CCT5: variants seen among roughly 807,000 people sequenced by gnomAD.
CCT5 encodes chaperonin containing TCP1 subunit 5, also known as T-complex protein 1 subunit epsilon.
CCT5 carries 6 observed loss-of-function variants against 55.0 expected under a neutral mutation model. That is an observed-to-expected ratio of 0.11 (90% CI 0.06 to 0.22). The LOEUF is 0.22. CCT5 is among the 10% of genes least tolerant of loss of function. The probability of loss-of-function intolerance (pLI) is 1.00; values close to 1 mark genes in which losing one functional copy is unlikely to be tolerated. For missense variants in CCT5, 560 were observed against 694.6 expected (o/e 0.81, Z 2.18); for synonymous variants, 231 against 243.7 (o/e 0.95, Z 0.49).
At chr5:10,261,013 G>A (rs1745933145) in intron 7 of CCT5, 102 bp downstream of exon 7, 1 of 1,228,130 alleles carries the variant, frequency 8.1e-7, no homozygotes, top group East Asian at 2.3e-5. Flanking sequence ...TCACACCAAG[G>A]CTGGCAGATG....
At chr5:10,254,316 TA>T (rs1419752844) in intron 2 of CCT5, 111 bp downstream of exon 2, 1 of 794,234 alleles carries the variant, frequency 1.3e-6, no homozygotes, top group Non-Finnish European at 2.2e-6. Flanking sequence ...CTTACTTCCT[TA>T]ACACAGCCAA....
intron 2 of CCT5, 60 bp downstream of exon 2, chr5:10,254,265 T>G: frequency 8.5e-7 from 1 of 1,175,592 alleles, no homozygotes. Flanking sequence ...ACTGTCAATA[T>G]AAACCTCTCT....
rs1358666999 is a variant in CCT5, at chr5:10,265,494, G to A, written c.*711G>A. ...AAGTGGAGGTTAAAGTAAATTACAGGAAATAAGGGAGAAATCTTGCAGTTA... is the reference window on the plus strand; with the variant it reads ...AAGTGGAGGTTAAAGTAAATTACAGAAAATAAGGGAGAAATCTTGCAGTTA... On this transcript the variant is annotated 3_prime_UTR_variant, in exon 11 of 11. Transcript: ENST00000280326. 2 of 152,388 alleles carry A rather than the reference G, an allele frequency of 1.3e-5. No homozygotes were observed. Among genetic ancestry groups the A allele is most frequent in the East Asian group, 3.9e-4 (2 of 5,190 alleles). The allele number at this position is 152,388 out of a possible 1,614,324, so 9.4% of individuals were successfully genotyped here.
chr5:10,263,082 T>G lies in CCT5; in HGVS notation c.1318-52T>G, dbSNP rs147525078. 2.0e-3 allele frequency: 2,896 copies of G among 1,484,482 alleles called. 33 individuals are homozygous for G. The African/African-American group carries it at 0.032, about 16-fold the overall frequency. The allele number at this position is 1,484,482 out of a possible 1,614,324, so 92.0% of individuals were successfully genotyped here. A position where few individuals can be genotyped will look rare whatever the true frequency, so the allele number is the denominator to read the frequency against. On this transcript the variant is annotated intron_variant, in intron 9 of 10. Coordinates refer to ENST00000280326, the MANE Select transcript of CCT5 (RefSeq NM_012073.5). ...TACAGTTGTGTTTTCACGGTGCCGC[T>G]GGGTTGTTTTGTTTCGCCAAGTGCA...
intron 10 of CCT5, among the ~76,000 whole-genome samples, chr5:10,263,822 C>G (rs1459727888): frequency 1.3e-5 from 2 of 152,194 alleles, no homozygotes; most frequent in Non-Finnish European, 2.9e-5. Context: ...CTAAATCAGG[C>G]CATGTCTGTA....
intron 7 of CCT5, 91 bp from the exon 8 acceptor site, chr5:10,261,469 C>A: frequency 7.9e-7 from 1 of 1,262,306 alleles, no homozygotes; most frequent in Non-Finnish European, 1.2e-6. Flanking sequence ...ACAAGTTGGT[C>A]TTAGATCAAG....
chr5:10,260,263 C>T (rs984068446), intron 6 of CCT5, among the ~76,000 whole-genome samples: 1 of 152,164 alleles, frequency 6.6e-6, no homozygotes, highest in Non-Finnish European at 1.5e-5. Context: ...GTGACTTTGC[C>T]ATTTGCAGGT....
At chr5:10,250,208 G>C (rs1745295396), upstream of CCT5, 1 of 1,552,478 alleles carries the variant, frequency 6.4e-7, no homozygotes, top group Admixed American at 2.0e-5. Context: ...ATTAGTCTCA[G>C]TAGAAACATA....
chr5:10,251,212 T>TG (rs1460803456), intron 1 of CCT5, among the ~76,000 whole-genome samples: 1 of 152,180 alleles, frequency 6.6e-6, no homozygotes, highest in East Asian at 1.9e-4. Flanking sequence ...TTCCCGAAGG[T>TG]GGAAGCTATT....
Position 10,264,761 on chromosome 5 carries a change from A to AG in CCT5, c.1605dup (p.Pro536AlafsTer5). The AG allele has an allele frequency of 6.2e-7, 1 of 1,611,226 alleles. No homozygotes were observed. Among genetic ancestry groups the AG allele is most frequent in the Non-Finnish European group, 8.5e-7 (1 of 1,177,314 alleles). On this transcript the variant is annotated frameshift_variant, in exon 11 of 11. Coordinates refer to ENST00000280326, the MANE Select transcript of CCT5 (RefSeq NM_012073.5). LOFTEE classifies it high-confidence loss of function. Reference sequence around the variant, plus strand: ...ATTTTGAAGATTGATGACATTCGTAAGCCTGGAGAATCTGAAGAATGAAGA... The same window carrying AG: ...ATTTTGAAGATTGATGACATTCGTAAGGCCTGGAGAATCTGAAGAATGAAGA...
chr5:10,256,779 C>A (rs1745703695), intron 4 of CCT5, among the ~76,000 whole-genome samples: 1 of 151,904 alleles, frequency 6.6e-6, no homozygotes, highest in Non-Finnish European at 1.5e-5. Flanking sequence ...GCTGGGGAGC[C>A]ATTGGGGGTG....
chr5:10,261,463 G>A, intron 7 of CCT5, 97 bp from the exon 8 acceptor site: 1 of 1,141,870 alleles, frequency 8.8e-7, no homozygotes, highest in Non-Finnish European at 1.3e-6. Flanking sequence ...TAGTGAACAA[G>A]TTGGTCTTAG....
chr5:10,256,098 A>T lies in CCT5; in HGVS notation c.475A>T (p.Ile159Leu). The change falls in exon 4 of 11, where the codon ATA (isoleucine) becomes TTA (leucine). Residue 159 changes from isoleucine (I) to leucine (L), a missense_variant. Ile to Leu is a conservative substitution (Grantham distance 5). Coordinates refer to ENST00000280326, the MANE Select transcript of CCT5 (RefSeq NM_012073.5). ...DKISDSVLVDIKDTEPLIQTA... is the reference protein window; with the variant it reads ...DKISDSVLVDLKDTEPLIQTA... ...GATCAGCGATAGCGTCCTTGTTGAC[A>T]TAAAGGACACCGAACCCCTGATTCA... The T allele has an allele frequency of 1.2e-6, 2 of 1,614,018 alleles. No homozygotes were observed. Among genetic ancestry groups the T allele is most frequent in the Non-Finnish European group, 1.7e-6 (2 of 1,179,898 alleles).
intron 1 of CCT5, among the ~76,000 whole-genome samples, chr5:10,252,281 AAT>A (rs1745462024): frequency 1.3e-5 from 2 of 152,260 alleles, no homozygotes; most frequent in South Asian, 4.1e-4. Context: ...GAAGAACCAA[AAT>A]ATATGGAAAT....
intron 8 of CCT5, 87 bp downstream of exon 8, chr5:10,261,832 A>G (rs1303619095): frequency 1.0e-6 from 1 of 988,358 alleles, no homozygotes. Flanking sequence ...ACAGAGACAC[A>G]GTCACCATAA....
In CCT5 at chr5:10,261,925, G is replaced by C. The variant is rs552462975; in HGVS notation, c.1179+180G>C. 2.5e-4 allele frequency: 172 copies of C among 681,114 alleles called. 2 individuals are homozygous for C. Among genetic ancestry groups the C allele is most frequent in the South Asian group, 2.1e-3 (142 of 66,066 alleles). The allele number at this position is 681,114 out of a possible 1,614,324, so 42.2% of individuals were successfully genotyped here. On this transcript the variant is annotated intron_variant, in intron 8 of 10. Transcript: ENST00000280326. ...CATGTTAAATTGTTAATTTCACAAG[G>C]CACATTTGCCTTTCTGCTGTCCCTT...
intron 6 of CCT5, 89 bp downstream of exon 6, chr5:10,258,624 TC>T (rs1429390586): frequency 1.6e-6 from 2 of 1,239,186 alleles, no homozygotes; most frequent in Non-Finnish European, 2.4e-6. Context: ...TAGTCTTTCT[TC>T]AGTTCTAAAA....
At chr5:10,250,075 C>T (rs1309630488), upstream of CCT5, 13 of 1,538,200 alleles carry the variant, frequency 8.5e-6, no homozygotes, top group Admixed American at 4.0e-5. Flanking sequence ...CAAATTCAAT[C>T]TGCTCTTGAC....
rs1049399069 is a variant in CCT5 at position 10,264,929 on chromosome 5, T to C, written c.*146T>C. ...AAAATAGCTGTTTGGTAACCATAGTTTCACTTGTTCAAAGCTGTGTAATCG... is the reference window on the plus strand; with the variant it reads ...AAAATAGCTGTTTGGTAACCATAGTCTCACTTGTTCAAAGCTGTGTAATCG... On this transcript the variant is annotated 3_prime_UTR_variant, in exon 11 of 11. Transcript: ENST00000280326. The C allele has an allele frequency of 1.9e-6, 2 of 1,031,116 alleles. No individual in the cohort carries two copies. Among genetic ancestry groups the C allele is most frequent in the African/African-American group, 1.6e-5 (1 of 63,286 alleles). 63.9% of individuals were successfully genotyped at this position (1,031,116 alleles called of 1,614,324 possible).
Sources: gnomAD v4.1 joint callset for allele counts (sites outside exome capture counted in the v4.1 genomes callset) on GRCh38, gnomAD v4.1.1 for gene constraint, MANE v1.5 for transcripts, NCBI Gene and HGNC (gene_info 2026-07-23, HGNC 2026-07-21) for gene names.